The following JAM2 variants were observed in gnomAD, a reference collection of about 807,000 sequenced individuals.
The protein encoded by JAM2 is junctional adhesion molecule B.
Under a neutral mutation model 42.0 loss-of-function variants are expected in JAM2, and 17 were observed. The observed-to-expected ratio is 0.40, with a 90% CI of 0.28 to 0.61. The LOEUF is 0.61. Among genes scored for constraint, JAM2 ranks in the 20% least tolerant of loss-of-function variants. JAM2 has a pLI of 0.37. For missense variants in JAM2, 319 were observed against 358.3 expected (o/e 0.89, Z 0.89); for synonymous variants, 118 against 128.6 (o/e 0.92, Z 0.56).
At chr21:25,690,249 C>T (rs2033847674) in intron 3 of JAM2, among the ~76,000 whole-genome samples, 2 of 152,076 alleles carry the variant, frequency 1.3e-5, no homozygotes, top group Admixed American at 1.3e-4. Context: ...GTAGATTAAA[C>T]TCCGTTCCTT....
chr21:25,667,468 G>A lies in JAM2; in HGVS notation c.68-16415G>A, dbSNP rs368296959. 9.5e-4 allele frequency among the ~76,000 whole-genome samples: 144 copies of A among 152,254 alleles called. 1 individual carries two copies. The Middle Eastern group carries it at 0.014, about 14-fold the overall frequency. ...TAGAATAAGATATTTTGAGAGAGAC[G>A]TCATTCACATAATTCTTATTCAGCA... On this transcript the variant is annotated intron_variant, in intron 1 of 9. Coordinates refer to ENST00000480456, the MANE Select transcript of JAM2 (RefSeq NM_021219.4).
At chr21:25,690,506 T>G (rs1935995821) in intron 3 of JAM2, among the ~76,000 whole-genome samples, 1 of 152,056 alleles carries the variant, frequency 6.6e-6, no homozygotes, top group Non-Finnish European at 1.5e-5. Context: ...TTAATTTTAT[T>G]TATTTATTTA....
At chr21:25,659,522 CA>C (rs2033024643) in intron 1 of JAM2, among the ~76,000 whole-genome samples, 1 of 152,126 alleles carries the variant, frequency 6.6e-6, no homozygotes, top group Non-Finnish European at 1.5e-5. Flanking sequence ...TCCATAGGAA[CA>C]GGATCAATCG....
chr21:25,698,585 T>G (rs1285574273), intron 4 of JAM2, 92 bp from the exon 5 acceptor site: 1 of 1,085,912 alleles, frequency 9.2e-7, no homozygotes, highest in African/African-American at 1.6e-5. Flanking sequence ...TTAAAACCAT[T>G]GATTGTAGAG....
At chr21:25,649,243 A>T (rs1348358594) in intron 1 of JAM2, among the ~76,000 whole-genome samples, 1 of 152,220 alleles carries the variant, frequency 6.6e-6, no homozygotes, top group Non-Finnish European at 1.5e-5. Flanking sequence ...GCTGTAAAGG[A>T]CTGCCCAAGA....
chr21:25,707,838 G>T (rs2034302999), intron 7 of JAM2, among the ~76,000 whole-genome samples: 2 of 151,902 alleles, frequency 1.3e-5, no homozygotes, highest in African/African-American at 4.8e-5. Context: ...TCGGAATTTA[G>T]ATTTTTAAAA....
At chr21:25,693,343 C>T (rs530142930) in intron 3 of JAM2, among the ~76,000 whole-genome samples, 15 of 151,888 alleles carry the variant, frequency 9.9e-5, no homozygotes, top group African/African-American at 2.9e-4. Context: ...CTGCAGCCTC[C>T]GCCTCCTGGG....
In JAM2 at chr21:25,639,830, G is replaced by A. The variant is rs775492859; in HGVS notation, c.9G>A (p.Arg3=). 4 of 1,585,504 alleles carry A rather than the reference G, an allele frequency of 2.5e-6. No individual in the cohort carries two copies. Among genetic ancestry groups the A allele is most frequent in the Non-Finnish European group, 3.4e-6 (4 of 1,168,880 alleles). Reference sequence around the variant, plus strand: ...GCTGCCGCCCCGGGAAGATGGCGAGGAGGAGCCGCCACCGCCTCCTCCTGC... The same window carrying A: ...GCTGCCGCCCCGGGAAGATGGCGAGAAGGAGCCGCCACCGCCTCCTCCTGC... MA[R]RSRHRLLLLL... The change falls in exon 1 of 10, where the codon AGG becomes AGA. Residue 3 remains arginine, a synonymous_variant. Coordinates refer to ENST00000480456, the MANE Select transcript of JAM2 (RefSeq NM_021219.4).
chr21:25,655,655 T>TC (rs1447430753), intron 1 of JAM2, among the ~76,000 whole-genome samples: 1 of 132,768 alleles, frequency 7.5e-6, no homozygotes, highest in East Asian at 2.0e-4. Context: ...TAATTTTTTT[T>TC]TTTTTTTTTT....
At chr21:25,644,484 G>A (rs186937781) in intron 1 of JAM2, among the ~76,000 whole-genome samples, 2 of 152,102 alleles carry the variant, frequency 1.3e-5, no homozygotes, top group Admixed American at 6.5e-5. Flanking sequence ...ACGGCCCTGC[G>A]ACACCAGGCT....
chr21:25,674,036 A>G (rs905759321), intron 1 of JAM2, among the ~76,000 whole-genome samples: 8 of 152,140 alleles, frequency 5.3e-5, no homozygotes, highest in Non-Finnish European at 1.0e-4. Flanking sequence ...GCCTTCCACC[A>G]TAATTGTGAG....
In JAM2 at chr21:25,717,543, A is replaced by C; in HGVS notation, c.*2871A>C. On this transcript the variant is annotated 3_prime_UTR_variant, in exon 10 of 10. Coordinates refer to ENST00000480456, the MANE Select transcript of JAM2 (RefSeq NM_021219.4). ...TCCACAGGTGGCTTTGTTCGATTAA[A>C]GTCTACACTAATAAAAATAGCTGAA... 7.7e-7 allele frequency: 1 copy of C among 1,306,270 alleles called. No individual in the cohort carries two copies. The highest frequency in any genetic ancestry group is 1.0e-6 in the Non-Finnish European group (1 of 995,650). 80.9% of individuals were successfully genotyped at this position (1,306,270 alleles called of 1,614,324 possible).
intron 1 of JAM2, among the ~76,000 whole-genome samples, chr21:25,675,075 T>C (rs2033450923): frequency 3.3e-5 from 5 of 152,158 alleles, no homozygotes; most frequent in Admixed American, 2.0e-4. Context: ...TAGTGGCTTC[T>C]GCTTCTGGGG....
At chr21:25,671,363 C>T (rs2033357123) in intron 1 of JAM2, among the ~76,000 whole-genome samples, 3 of 152,146 alleles carry the variant, frequency 2.0e-5, no homozygotes, top group Admixed American at 1.3e-4. Flanking sequence ...GCCTTCCCCA[C>T]CCACCCTCAC....
chr21:25,708,188 A>T (rs1266348669), intron 7 of JAM2, among the ~76,000 whole-genome samples: 1 of 152,118 alleles, frequency 6.6e-6, no homozygotes, highest in African/African-American at 2.4e-5. Flanking sequence ...CTTAAATATA[A>T]AATGTGTTCC....
chr21:25,653,250 AC>A (rs1161799912), intron 1 of JAM2, among the ~76,000 whole-genome samples: 1 of 152,090 alleles, frequency 6.6e-6, no homozygotes, highest in African/African-American at 2.4e-5. Flanking sequence ...CTATTCTACA[AC>A]CCCTTGAAAA....
rs2034453160 is a variant in JAM2, at chr21:25,714,998, G to A, written c.*326G>A. 5.1e-6 allele frequency: 1 copy of A among 197,214 alleles called. No homozygotes were observed. Among genetic ancestry groups the A allele is most frequent in the Non-Finnish European group, 1.0e-5 (1 of 98,598 alleles). The allele number at this position is 197,214 out of a possible 1,614,324, so 12.2% of individuals were successfully genotyped here. A position where few individuals can be genotyped will look rare whatever the true frequency, so the allele number is the denominator to read the frequency against. On this transcript the variant is annotated 3_prime_UTR_variant, in exon 10 of 10. Transcript: ENST00000480456. ...TAAAATATAACATACTGATTGTGAA[G>A]TCAATCCACAGGTCATGAAAATATA... is the stretch of plus-strand genomic sequence containing the variant.
intron 1 of JAM2, among the ~76,000 whole-genome samples, chr21:25,653,646 T>A (rs1285742335): frequency 6.6e-6 from 1 of 152,178 alleles, no homozygotes; most frequent in East Asian, 1.9e-4. Context: ...CTCACTATCA[T>A]GAGAACAGCA....
chr21:25,717,529 CT>C lies in JAM2; in HGVS notation c.*2860del. The C allele has an allele frequency of 8.5e-7, 1 of 1,182,754 alleles. No individual in the cohort carries two copies. Among genetic ancestry groups the C allele is most frequent in the Non-Finnish European group, 1.1e-6 (1 of 900,130 alleles). 73.3% of individuals were successfully genotyped at this position (1,182,754 alleles called of 1,614,324 possible). A position where few individuals can be genotyped will look rare whatever the true frequency, so the allele number is the denominator to read the frequency against. On this transcript the variant is annotated 3_prime_UTR_variant, in exon 10 of 10. Coordinates refer to ENST00000480456, the MANE Select transcript of JAM2 (RefSeq NM_021219.4). ...AAGAACTTCCTTTTTCCACAGGTGGCTTTGTTCGATTAAAGTCTACACTAAT... is the reference window on the plus strand; with the variant it reads ...AAGAACTTCCTTTTTCCACAGGTGGCTTGTTCGATTAAAGTCTACACTAAT...
Sources: gnomAD v4.1 joint callset for allele counts (sites outside exome capture counted in the v4.1 genomes callset) on GRCh38, gnomAD v4.1.1 for gene constraint, MANE v1.5 for transcripts, NCBI Gene and HGNC (gene_info 2026-07-23, HGNC 2026-07-21) for gene names.